ZC3H14: variants seen among roughly 807,000 people sequenced by gnomAD.
The protein encoded by ZC3H14 is zinc finger CCCH-type containing 14, also known as zinc finger CCCH domain-containing protein 14.
ZC3H14 carries 31 observed loss-of-function variants against 92.4 expected under a neutral mutation model. The ratio of observed to expected loss-of-function variants is 0.34; its 90% CI spans 0.25 to 0.45. The LOEUF (loss-of-function observed/expected upper bound fraction) is 0.45. Among genes scored for constraint, ZC3H14 ranks in the 20% least tolerant of loss-of-function variants. The probability of loss-of-function intolerance (pLI) is 1.00; values close to 1 mark genes in which losing one functional copy is unlikely to be tolerated. For missense variants in ZC3H14, 781 were observed against 897.3 expected (o/e 0.87, Z 1.66); for synonymous variants, 321 against 300.9 (o/e 1.07, Z -0.69).
At chr14:88,606,535 C>T (rs1034337250) in intron 12 of ZC3H14, among the ~76,000 whole-genome samples, 5 of 151,922 alleles carry the variant, frequency 3.3e-5, no homozygotes, top group East Asian at 1.9e-4. Context: ...TTTGGGAGGC[C>T]GAGGTGGGTG....
At position 88,621,046 on chromosome 14, in the gene ZC3H14, A is replaced by G; in HGVS notation, c.*9295A>G. ...TTCTGGCAGTTCTTTAAGTACTAGC[A>G]ATTTAGAACTTCCAACTTTTCTTTT... On this transcript the variant is annotated 3_prime_UTR_variant, in exon 17 of 17. Coordinates refer to ENST00000251038, the MANE Select transcript of ZC3H14 (RefSeq NM_024824.5). 1 of 1,511,398 alleles carries G rather than the reference A, an allele frequency of 6.6e-7. No homozygotes were observed. Among genetic ancestry groups the G allele is most frequent in the Non-Finnish European group, 8.9e-7 (1 of 1,129,902 alleles). The allele number at this position is 1,511,398 out of a possible 1,614,324, so 93.6% of individuals were successfully genotyped here.
At chr14:88,592,936 T>G (rs2083335470) in intron 9 of ZC3H14, among the ~76,000 whole-genome samples, 1 of 151,988 alleles carries the variant, frequency 6.6e-6, no homozygotes, top group South Asian at 2.1e-4. Context: ...CCTTACAAGA[T>G]TTTCTGTGTT....
At chr14:88,573,461 T>C (rs1362156674) in intron 6 of ZC3H14, among the ~76,000 whole-genome samples, 1 of 152,110 alleles carries the variant, frequency 6.6e-6, no homozygotes, top group African/African-American at 2.4e-5. Flanking sequence ...GAGAAGGAGT[T>C]TCACTCTTGT....
At chr14:88,593,491 G>A (rs1396847409) in intron 9 of ZC3H14, among the ~76,000 whole-genome samples, 2 of 152,230 alleles carry the variant, frequency 1.3e-5, no homozygotes, top group African/African-American at 4.8e-5. Context: ...CAAAGCTAGA[G>A]TAATGAAGAC....
intron 9 of ZC3H14, among the ~76,000 whole-genome samples, chr14:88,585,269 CTGTTT>C (rs1463123577): frequency 6.6e-6 from 1 of 151,918 alleles, no homozygotes; most frequent in Non-Finnish European, 1.5e-5. Flanking sequence ...GCCTGCTTTT[CTGTTT>C]TTTCTCATGT....
rs965988425 is a variant in ZC3H14, at chr14:88,612,055, T to C, written c.*304T>C. On this transcript the variant is annotated 3_prime_UTR_variant, in exon 17 of 17. Transcript: ENST00000251038. ...CTGTTGTGAGGATCAGCATATGAAA[T>C]TGACATCATGGTTAGTCATGGTACT... 33 of 415,716 alleles carry C rather than the reference T, an allele frequency of 7.9e-5. No homozygotes were observed. The highest frequency in any genetic ancestry group is 1.1e-4 in the Non-Finnish European group (25 of 229,356). 25.8% of individuals were successfully genotyped at this position (415,716 alleles called of 1,614,324 possible).
At chr14:88,585,110 A>G (rs1043982454) in intron 9 of ZC3H14, among the ~76,000 whole-genome samples, 4 of 152,330 alleles carry the variant, frequency 2.6e-5, no homozygotes, top group African/African-American at 4.8e-5. Flanking sequence ...AGGGTCAACT[A>G]TATATTATAT....
At chr14:88,564,067 T>C (rs1158783481) in intron 2 of ZC3H14, among the ~76,000 whole-genome samples, 1 of 152,178 alleles carries the variant, frequency 6.6e-6, no homozygotes, top group Non-Finnish European at 1.5e-5. Context: ...CCTCCCTAGG[T>C]GCTGGGAGTG....
Position 88,610,952 on chromosome 14 carries a change from A to G in ZC3H14, c.2204+12A>G, listed in dbSNP as rs2086586240. On this transcript the variant is annotated intron_variant, in intron 16 of 16. Coordinates refer to ENST00000251038, the MANE Select transcript of ZC3H14 (RefSeq NM_024824.5). ...CGACCTCAAACCAGGTAAACATTCA[A>G]ATTCGTTTTTCTCATGTCAGTTCAA... 1.9e-6 allele frequency: 3 copies of G among 1,571,074 alleles called. No individual in the cohort carries two copies. The highest frequency in any genetic ancestry group is 1.7e-6 in the Non-Finnish European group (2 of 1,144,590).
chr14:88,563,327 C>G, intron 1 of ZC3H14, 158 bp downstream of exon 1: 1 of 1,497,872 alleles, frequency 6.7e-7, no homozygotes, highest in Non-Finnish European at 8.9e-7. Flanking sequence ...CCGCCTCGGC[C>G]CTGGGGACAT....
At chr14:88,567,083 G>A (rs1473524880) in intron 2 of ZC3H14, among the ~76,000 whole-genome samples, 2 of 149,922 alleles carry the variant, frequency 1.3e-5, no homozygotes, top group East Asian at 3.9e-4. Context: ...ATTACCACTA[G>A]GAGGGTGTTT....
At chr14:88,598,067 C>G (rs1018554054) in intron 10 of ZC3H14, among the ~76,000 whole-genome samples, 1 of 152,084 alleles carries the variant, frequency 6.6e-6, no homozygotes, top group Non-Finnish European at 1.5e-5. Context: ...TTTTTCCCCT[C>G]CCTGCTTCGT....
intron 9 of ZC3H14, among the ~76,000 whole-genome samples, chr14:88,586,313 A>G (rs192839474): frequency 4.6e-4 from 70 of 152,236 alleles, no homozygotes; most frequent in African/African-American, 1.4e-3. Flanking sequence ...TTATTTTCCA[A>G]TATTTTGAAG....
Position 88,616,168 on chromosome 14 carries a change from A to G in ZC3H14, c.*4417A>G, listed in dbSNP as rs1372361723. The stretch of plus-strand genomic sequence containing the variant: ...TGCAGTCATCACCTCCAGCACTAAC[A>G]ACATGTCGATCACCACTGGTAAATC... On this transcript the variant is annotated 3_prime_UTR_variant, in exon 17 of 17. Transcript: ENST00000251038. 1.9e-6 allele frequency: 3 copies of G among 1,613,814 alleles called. No individual in the cohort carries two copies. Among genetic ancestry groups the G allele is most frequent in the Non-Finnish European group, 2.5e-6 (3 of 1,179,824 alleles).
At chr14:88,566,800 A>G (rs573462709) in intron 2 of ZC3H14, among the ~76,000 whole-genome samples, 2 of 152,084 alleles carry the variant, frequency 1.3e-5, no homozygotes, top group South Asian at 2.1e-4. Context: ...GGTGCCTGTA[A>G]TCCCAGCTAC....
chr14:88,563,053 C>A lies in ZC3H14; in HGVS notation c.-81C>A. The A allele has an allele frequency of 6.5e-7, 1 of 1,527,722 alleles. No individual in the cohort carries two copies. Among genetic ancestry groups the A allele is most frequent in the Non-Finnish European group, 8.8e-7 (1 of 1,141,308 alleles). The allele number at this position is 1,527,722 out of a possible 1,614,324, so 94.6% of individuals were successfully genotyped here. On this transcript the variant is annotated 5_prime_UTR_variant, in exon 1 of 17. Transcript: ENST00000251038. ...AACGGAGGAGGAGGCGGTGGTGTCC[C>A]GGCTGCGGGGTAGGAGTCCGCGGCA...
At chr14:88,566,918 G>A (rs1227810449) in intron 2 of ZC3H14, among the ~76,000 whole-genome samples, 5 of 147,020 alleles carry the variant, frequency 3.4e-5, no homozygotes, top group African/African-American at 1.3e-4. Flanking sequence ...AGACTCTGTC[G>A]TAAAAGAAAA....
chr14:88,565,137 T>G (rs1029398747), intron 2 of ZC3H14, among the ~76,000 whole-genome samples: 1 of 152,098 alleles, frequency 6.6e-6, no homozygotes, highest in African/African-American at 2.4e-5. Flanking sequence ...TTAAAAAAAA[T>G]TTGTTATTAT....
intron 16 of ZC3H14, 28 bp downstream of exon 16, chr14:88,610,968 G>GTCAGT: frequency 6.4e-7 from 1 of 1,556,400 alleles, no homozygotes; most frequent in Non-Finnish European, 8.8e-7. Context: ...TTTTTCTCAT[G>GTCAGT]TCAGTTCAAA....
Sources: gnomAD v4.1 joint callset for allele counts (sites outside exome capture counted in the v4.1 genomes callset) on GRCh38, gnomAD v4.1.1 for gene constraint, MANE v1.5 for transcripts, NCBI Gene and HGNC (gene_info 2026-07-23, HGNC 2026-07-21) for gene names.